DNMT1: variants seen among roughly 807,000 people sequenced by gnomAD.
DNMT1 encodes the protein DNA methyltransferase 1, also known as DNA (cytosine-5)-methyltransferase 1.
Under a neutral mutation model 205.3 loss-of-function variants are expected in DNMT1, and 24 were observed. The ratio of observed to expected loss-of-function variants is 0.12; its 90% CI spans 0.08 to 0.16. The LOEUF is 0.16. DNMT1 is among the 10% of genes least tolerant of loss of function. The probability of loss-of-function intolerance (pLI) is 1.00; values close to 1 mark genes in which losing one functional copy is unlikely to be tolerated. For missense variants in DNMT1, 1,293 were observed against 2,177.7 expected, an observed-to-expected ratio of 0.59 and a Z score of 8.09; for synonymous variants, 817 against 839.8, an observed-to-expected ratio of 0.97 and a Z score of 0.47.
At chr19:10,144,020 C>A (rs1244588478) in intron 28 of DNMT1, 33 bp from the exon 29 acceptor site, 7 of 1,608,368 alleles carry the variant, frequency 4.4e-6, no homozygotes, top group African/African-American at 1.3e-5. Context: ...CATCAATGAA[C>A]CTTCCACCTT....
intron 37 of DNMT1, among the ~76,000 whole-genome samples, chr19:10,136,633 A>G (rs2089488726): frequency 6.6e-6 from 1 of 151,952 alleles, no homozygotes; most frequent in African/African-American, 2.4e-5. Context: ...ATGGGGTTTC[A>G]CCATGTTGGG....
Position 10,151,500 on chromosome 19 carries a change from G to T in DNMT1, c.2163C>A (p.Val721=). Residue 721 remains valine, a synonymous_variant, in exon 24 of 41, where the codon GTC becomes GTA. Coordinates refer to ENST00000359526, the MANE Select transcript of DNMT1 (RefSeq NM_001130823.3). This position sits in a 1 kb window ranked among gnomAD's most constrained non-coding sequence, Gnocchi z 5.0. ...AMKEADDDEE[V]DDNIPEMPSP... ...ACGGCATCTCTGGGATGTTATCATCGACTTCCTCATCGTCATCTGCCTCCT... is the reference window on the plus strand; with the variant it reads ...ACGGCATCTCTGGGATGTTATCATCTACTTCCTCATCGTCATCTGCCTCCT... The T allele has an allele frequency of 6.2e-7, 1 of 1,613,926 alleles. No homozygotes were observed. The highest frequency in any genetic ancestry group is 8.5e-7 in the Non-Finnish European group (1 of 1,180,008).
intron 5 of DNMT1, among the ~76,000 whole-genome samples, chr19:10,179,367 G>A (rs1279884597): frequency 1.3e-5 from 2 of 151,640 alleles, no homozygotes; most frequent in Non-Finnish European, 2.9e-5. Flanking sequence ...GCCCAGGCTG[G>A]AATTACAGAC....
Position 10,140,988 on chromosome 19 carries a change from GGCGGCCTC to G in DNMT1, c.3395-87_3395-80del. 6.2e-7 allele frequency: 1 copy of G among 1,613,592 alleles called. No homozygotes were observed. The highest frequency in any genetic ancestry group is 8.5e-7 in the Non-Finnish European group (1 of 1,179,964). On this transcript the variant is annotated intron_variant, in intron 31 of 40. Coordinates refer to ENST00000359526, the MANE Select transcript of DNMT1 (RefSeq NM_001130823.3). The surrounding 1 kb of genome is among the most constrained non-coding windows in gnomAD (Gnocchi z 8.4). The stretch of plus-strand genomic sequence containing the variant: ...TGCTCTCAAGCGCCTTGTTAACTCA[GGCGGCCTC>G]GCTGTCCCAGAGTCAGTAACACCAG...
intron 1 of DNMT1, among the ~76,000 whole-genome samples, chr19:10,191,264 G>T (rs1012200682): frequency 6.8e-5 from 10 of 147,542 alleles, no homozygotes; most frequent in African/African-American, 2.5e-4. Flanking sequence ...CTGGGCCACA[G>T]AGCAAGACCC....
chr19:10,193,100 A>G (rs1266812685), intron 1 of DNMT1, among the ~76,000 whole-genome samples: 1 of 152,134 alleles, frequency 6.6e-6, no homozygotes, highest in Admixed American at 6.5e-5. Flanking sequence ...CATACTTGTA[A>G]TCCTAACCTT....
chr19:10,193,423 G>C (rs947541324), intron 1 of DNMT1, among the ~76,000 whole-genome samples: 2 of 150,630 alleles, frequency 1.3e-5, no homozygotes, highest in Admixed American at 1.3e-4. Context: ...GCAATAGCGC[G>C]ATCTCAGCTC....
chr19:10,154,741 G>A lies in DNMT1; in HGVS notation c.1677C>T (p.Asn559=), dbSNP rs773205062. The A allele has an allele frequency of 6.2e-7, 1 of 1,614,242 alleles. No individual in the cohort carries two copies. ...TTVPPSGLNL[N]RFTEDSLLRH... ...GCAGGAGGGAGTCCTCTGTGAAGCG[G>A]TTCAAGTTGAGGCCAGAAGGAGGAA... Residue 559 remains asparagine (N), a synonymous_variant, in exon 21 of 41, where the codon AAC becomes AAT. Coordinates refer to ENST00000359526, the MANE Select transcript of DNMT1 (RefSeq NM_001130823.3). The surrounding 1 kb of genome is among the most constrained non-coding windows in gnomAD (Gnocchi z 6.3).
At chr19:10,182,629 T>C (rs1424537683) in intron 1 of DNMT1, among the ~76,000 whole-genome samples, 21 of 151,248 alleles carry the variant, frequency 1.4e-4, no homozygotes, top group Admixed American at 1.3e-3. Flanking sequence ...TGTATATATA[T>C]ACACACACAT....
Position 10,155,952 on chromosome 19 carries a change from C to A in DNMT1, c.1400-7G>T, listed in dbSNP as rs376210686. On this transcript the variant is annotated splice_region_variant and splice_polypyrimidine_tract_variant and intron_variant, in intron 18 of 40. Coordinates refer to ENST00000359526, the MANE Select transcript of DNMT1 (RefSeq NM_001130823.3). ...TTTTTGCCATTAACACCACCTAGAGCAGAAAAAGGAAATGGACTAAAGGCT... is the reference window on the plus strand; with the variant it reads ...TTTTTGCCATTAACACCACCTAGAGAAGAAAAAGGAAATGGACTAAAGGCT... 3 of 1,611,984 alleles carry A rather than the reference C, an allele frequency of 1.9e-6. No individual in the cohort carries two copies. The highest frequency in any genetic ancestry group is 2.5e-6 in the Non-Finnish European group (3 of 1,179,018).
At chr19:10,168,418 T>C (rs1225805839) in intron 9 of DNMT1, 54 bp from the exon 10 acceptor site, 2 of 1,571,946 alleles carry the variant, frequency 1.3e-6, no homozygotes, top group Admixed American at 1.7e-5. Flanking sequence ...TTTGGATCTT[T>C]CTATTAAAGT....
rs766475318 is a variant in DNMT1 at position 10,133,617 on chromosome 19, G to A, written c.*50C>T. 2.6e-6 allele frequency: 4 copies of A among 1,567,600 alleles called. No homozygotes were observed. In the Admixed American group the frequency reaches 7.2e-5, roughly 28 times the overall value. On this transcript the variant is annotated 3_prime_UTR_variant, in exon 41 of 41. Coordinates refer to ENST00000359526, the MANE Select transcript of DNMT1 (RefSeq NM_001130823.3). This position sits in a 1 kb window ranked among gnomAD's most constrained non-coding sequence, Gnocchi z 4.1. ...GACATGTTAAAAACACAACATCAGT[G>A]CATGTTGGGGATTCCTGGTGCCAGA...
chr19:10,168,487 TG>T, intron 9 of DNMT1, 123 bp from the exon 10 acceptor site: 1 of 973,812 alleles, frequency 1.0e-6, no homozygotes, highest in Non-Finnish European at 1.6e-6. Flanking sequence ...GAGTAAAGAC[TG>T]TCTACCAGTG....
At chr19:10,187,788 A>G (rs772062202) in intron 1 of DNMT1, among the ~76,000 whole-genome samples, 5 of 152,082 alleles carry the variant, frequency 3.3e-5, no homozygotes, top group Non-Finnish European at 7.4e-5. Flanking sequence ...GGATCACTAG[A>G]GCCCAGGAAT....
In DNMT1 at chr19:10,140,729, T is replaced by C; in HGVS notation, c.3523+52A>G. The C allele has an allele frequency of 2.5e-6, 4 of 1,613,704 alleles. No homozygotes were observed. The highest frequency in any genetic ancestry group is 3.4e-6 in the Non-Finnish European group (4 of 1,179,802). On this transcript the variant is annotated intron_variant, in intron 32 of 40. Coordinates refer to ENST00000359526, the MANE Select transcript of DNMT1 (RefSeq NM_001130823.3). The surrounding 1 kb of genome is among the most constrained non-coding windows in gnomAD (Gnocchi z 8.4). Reference sequence around the variant, plus strand: ...GTTGGAAGTCGTTTCAGGTAGCACCTGCCCGGTCTGGGCTCACCAGGTATT... The same window carrying C: ...GTTGGAAGTCGTTTCAGGTAGCACCCGCCCGGTCTGGGCTCACCAGGTATT...
At position 10,171,419 on chromosome 19, in the gene DNMT1, C is replaced by T. The variant is rs1042757824; in HGVS notation, c.768+1671G>A. Among the ~76,000 whole-genome samples, 4 of 152,124 alleles carry T rather than the reference C, an allele frequency of 2.6e-5. No individual in the cohort carries two copies. In the East Asian group the frequency reaches 7.7e-4, roughly 29 times the overall value. On this transcript the variant is annotated intron_variant, in intron 9 of 40. Transcript: ENST00000359526. Reference sequence around the variant, plus strand: ...CGGTGTGGTGGCTCGTGCCTGTAATCCCAGCACTTTGATGGCTGAGGCAGG... The same window carrying T: ...CGGTGTGGTGGCTCGTGCCTGTAATTCCAGCACTTTGATGGCTGAGGCAGG...
rs2038521055 is a variant in DNMT1, at chr19:10,159,422, TG to T, written c.1280+235del. On this transcript the variant is annotated intron_variant, in intron 17 of 40. Transcript: ENST00000359526. The surrounding 1 kb of genome is among the most constrained non-coding windows in gnomAD (Gnocchi z 5.0). ...GTAGGTTTCGCCATGTTGGCCAGGC[TG>T]GTCTCGAACTCCTGACCTGAAGTGA... Among the ~76,000 whole-genome samples the T allele has an allele frequency of 6.6e-6, 1 of 152,164 alleles. No individual in the cohort carries two copies. Among genetic ancestry groups the T allele is most frequent in the South Asian group, 2.1e-4 (1 of 4,834 alleles).
chr19:10,173,824 T>G, intron 8 of DNMT1, 47 bp downstream of exon 8: 1 of 1,607,840 alleles, frequency 6.2e-7, no homozygotes, highest in African/African-American at 1.3e-5. Context: ...GTGATCAAGA[T>G]TACACAACTC....
chr19:10,168,458 T>C lies in DNMT1; in HGVS notation c.769-94A>G, dbSNP rs1599381907. 4.6e-6 allele frequency: 6 copies of C among 1,305,192 alleles called. 1 individual carries two copies. The South Asian group carries it at 4.8e-5, about 11-fold the overall frequency. 80.9% of individuals were successfully genotyped at this position (1,305,192 alleles called of 1,614,324 possible). Reference sequence around the variant, plus strand: ...TATGGAAATAAAACACCTGAACTGATTCTAGAGTCCACTGGTGGGAGTAAA... The same window carrying C: ...TATGGAAATAAAACACCTGAACTGACTCTAGAGTCCACTGGTGGGAGTAAA... On this transcript the variant is annotated intron_variant, in intron 9 of 40. Coordinates refer to ENST00000359526, the MANE Select transcript of DNMT1 (RefSeq NM_001130823.3).
Sources: gnomAD v4.1 joint callset for allele counts (sites outside exome capture counted in the v4.1 genomes callset) on GRCh38, gnomAD v4.1.1 for gene constraint, Gnocchi (gnomAD v3.1) non-coding constraint, MANE v1.5 for transcripts, NCBI Gene and HGNC (gene_info 2026-07-23, HGNC 2026-07-21) for gene names.